Variants in DPY19L4 observed in about 807,000 individuals in gnomAD.
DPY19L4 encodes the protein probable C-mannosyltransferase DPY19L4.
DPY19L4 carries 97 observed loss-of-function variants against 102.8 expected under a neutral mutation model. That is an observed-to-expected ratio of 0.94 (90% confidence interval 0.80 to 1.12). DPY19L4 has a LOEUF of 1.12. Ranked by LOEUF, DPY19L4 falls within the 50% of genes most tolerant of loss-of-function variation. The pLI is 0.00. For missense variants in DPY19L4, 815 were observed against 850.4 expected, an observed-to-expected ratio of 0.96 and a Z score of 0.52; for synonymous variants, 252 against 283.1, an observed-to-expected ratio of 0.89 and a Z score of 1.10.
At chr8:94,745,626 G>T (rs906317835) in intron 6 of DPY19L4, among the ~76,000 whole-genome samples, 1 of 152,108 alleles carries the variant, frequency 6.6e-6, no homozygotes, top group African/African-American at 2.4e-5. Context: ...TCAGGCTGCT[G>T]GTGGAGATAT....
intron 14 of DPY19L4, among the ~76,000 whole-genome samples, chr8:94,780,076 A>C (rs968829500): frequency 6.6e-6 from 1 of 152,110 alleles, no homozygotes; most frequent in African/African-American, 2.4e-5. Flanking sequence ...TCAAGTATCC[A>C]CTTGCCATTT....
rs1810381937 is a variant in DPY19L4, at chr8:94,720,022, C to T, written c.16+8C>T. 3.3e-6 allele frequency: 5 copies of T among 1,529,544 alleles called. No homozygotes were observed. Among genetic ancestry groups the T allele is most frequent in the African/African-American group, 1.4e-5 (1 of 70,366 alleles). The allele number at this position is 1,529,544 out of a possible 1,614,324, so 94.7% of individuals were successfully genotyped here. ...CGATGGCGGAGGAAGAAGGTGATTG[C>T]CGCGGGGTCCAGCGCGCCAACGGCT... is the stretch of plus-strand genomic sequence containing the variant. On this transcript the variant is annotated splice_region_variant and intron_variant, in intron 1 of 18. Coordinates refer to ENST00000414645, the MANE Select transcript of DPY19L4 (RefSeq NM_181787.3).
At chr8:94,767,029 C>G (rs1333624488) in intron 11 of DPY19L4, among the ~76,000 whole-genome samples, 2 of 150,038 alleles carry the variant, frequency 1.3e-5, no homozygotes, top group Non-Finnish European at 3.0e-5. Flanking sequence ...AAGATCACGC[C>G]AGTGCACCCC....
At chr8:94,728,674 GT>G (rs1810799706) in intron 2 of DPY19L4, among the ~76,000 whole-genome samples, 1 of 152,176 alleles carries the variant, frequency 6.6e-6, no homozygotes, top group Non-Finnish European at 1.5e-5. Context: ...TGATAATACT[GT>G]TTCCTGTGAA....
chr8:94,722,116 A>T (rs1810487182), intron 1 of DPY19L4, among the ~76,000 whole-genome samples: 1 of 151,110 alleles, frequency 6.6e-6, no homozygotes, highest in Non-Finnish European at 1.5e-5. Flanking sequence ...CTAAAAAAAA[A>T]TAAAATTAAG....
chr8:94,780,426 T>C lies in DPY19L4; in HGVS notation c.1632+11T>C. 1.4e-6 allele frequency: 2 copies of C among 1,422,904 alleles called. No homozygotes were observed. The highest frequency in any genetic ancestry group is 2.5e-4 in the Middle Eastern group (1 of 4,064). 88.1% of individuals were successfully genotyped at this position (1,422,904 alleles called of 1,614,324 possible). On this transcript the variant is annotated intron_variant, in intron 15 of 18. Transcript: ENST00000414645. ...AGCTTATGGAAAGAGGTAAAAAAAT[T>C]AGATTTTTATATTAATAAAATGTAC...
At chr8:94,774,834 C>G (rs762279480) in intron 13 of DPY19L4, among the ~76,000 whole-genome samples, 1 of 152,130 alleles carries the variant, frequency 6.6e-6, no homozygotes, top group Non-Finnish European at 1.5e-5. Context: ...GCCTCGGCCC[C>G]CCAAAGTGCT....
At chr8:94,785,489 G>T (rs1458365592) in intron 17 of DPY19L4, among the ~76,000 whole-genome samples, 1 of 152,198 alleles carries the variant, frequency 6.6e-6, no homozygotes, top group East Asian at 1.9e-4. Flanking sequence ...AGTAACATGA[G>T]CCAAGGAATT....
intron 2 of DPY19L4, among the ~76,000 whole-genome samples, chr8:94,732,888 A>G (rs1296278653): frequency 7.1e-6 from 1 of 141,202 alleles, no homozygotes; most frequent in East Asian, 2.0e-4. Flanking sequence ...TCGGTTCACT[A>G]CAACCTCTGC....
At chr8:94,720,227 G>A (rs942384465) in intron 1 of DPY19L4, 2 of 985,286 alleles carry the variant, frequency 2.0e-6, no homozygotes, top group African/African-American at 1.7e-5. Flanking sequence ...GGCCGAATTG[G>A]GAAGCAAAGG....
Position 94,751,328 on chromosome 8 carries a change from C to T in DPY19L4, c.612-4708C>T, listed in dbSNP as rs1270489069. On this transcript the variant is annotated intron_variant, in intron 6 of 18. Transcript: ENST00000414645. ...AGAGACGGGGTTACACTATGTTGGC[C>T]AGGATGGTCTCGATCTCTTGACCTC... Among the ~76,000 whole-genome samples, 4 of 151,490 alleles carry T rather than the reference C, an allele frequency of 2.6e-5. 1 individual carries two copies. The South Asian group carries it at 6.2e-4, about 24-fold the overall frequency.
chr8:94,748,763 G>T (rs570880540), intron 6 of DPY19L4, among the ~76,000 whole-genome samples: 9 of 152,164 alleles, frequency 5.9e-5, no homozygotes, highest in African/African-American at 1.7e-4. Context: ...ATAGGAGCAC[G>T]AACCCTATTG....
intron 6 of DPY19L4, among the ~76,000 whole-genome samples, chr8:94,755,345 G>A (rs73697016): frequency 0.026 from 3,924 of 152,144 alleles, 168 homozygotes; most frequent in African/African-American, 0.089. Context: ...CTAATTATGC[G>A]GTGCAGATTG....
intron 7 of DPY19L4, among the ~76,000 whole-genome samples, chr8:94,761,380 G>A (rs6471483): frequency 0.46 from 69,389 of 151,956 alleles, 18,042 homozygotes; most frequent in African/African-American, 0.73. Flanking sequence ...ACCCTTTCTT[G>A]TATTTATTGC....
intron 13 of DPY19L4, among the ~76,000 whole-genome samples, chr8:94,771,929 T>G (rs1288908880): frequency 6.6e-6 from 1 of 152,204 alleles, no homozygotes; most frequent in Non-Finnish European, 1.5e-5. Context: ...ATTTTTATAT[T>G]TCACTTGCTT....
At chr8:94,761,889 T>C (rs1812409099) in intron 8 of DPY19L4, 55 bp downstream of exon 8, 1 of 1,533,810 alleles carries the variant, frequency 6.5e-7, no homozygotes, top group Non-Finnish European at 8.7e-7. Context: ...ATTTATAGCA[T>C]TGTATCTTAA....
intron 1 of DPY19L4, among the ~76,000 whole-genome samples, chr8:94,722,556 A>C (rs143281146): frequency 1.4e-4 from 21 of 152,336 alleles, no homozygotes; most frequent in Non-Finnish European, 2.5e-4. Flanking sequence ...TTCCATAAAT[A>C]TGTGTATTCA....
chr8:94,776,119 G>A (rs1430234392), intron 13 of DPY19L4, among the ~76,000 whole-genome samples: 7 of 135,902 alleles, frequency 5.2e-5, no homozygotes, highest in African/African-American at 1.4e-4. Context: ...TGCAAGCTCT[G>A]CCTCCCGGGT....
At position 94,761,795 on chromosome 8, in the gene DPY19L4, A is replaced by G. The variant is rs1424700912; in HGVS notation, c.831A>G (p.Leu277=). 5.0e-6 allele frequency: 8 copies of G among 1,611,550 alleles called. No individual in the cohort carries two copies. Among genetic ancestry groups the G allele is most frequent in the Non-Finnish European group, 5.9e-6 (7 of 1,179,076 alleles). ...TCCTGTTTCTTCAAGCAATATCTCT[A>G]TTCCTGCTAGATACCTTTTCAGTGG... The part of the protein sequence containing the change: ...HYLLFLQAIS[L]FLLDTFSVEQ... The change falls in exon 8 of 19, where the codon CTA becomes CTG. Residue 277 remains leucine, a synonymous_variant. Transcript: ENST00000414645.
Sources: gnomAD v4.1 joint callset for allele counts (sites outside exome capture counted in the v4.1 genomes callset) on GRCh38, gnomAD v4.1.1 for gene constraint, MANE v1.5 for transcripts, NCBI Gene and HGNC (gene_info 2026-07-23, HGNC 2026-07-21) for gene names.